Variants in ADAMTS10 observed in about 807,000 individuals in gnomAD.
ADAMTS10 encodes the protein ADAM metallopeptidase with thrombospondin type 1 motif 10.
ADAMTS10 carries 48 observed loss-of-function variants against 135.9 expected under a neutral mutation model. The ratio of observed to expected loss-of-function variants is 0.35; its 90% confidence interval spans 0.28 to 0.45. ADAMTS10 has a LOEUF of 0.45. ADAMTS10 is among the 20% of genes least tolerant of loss of function. The probability of loss-of-function intolerance (pLI) is 1.00; values close to 1 mark genes in which losing one functional copy is unlikely to be tolerated. For missense variants in ADAMTS10, 1,131 were observed against 1,565.2 expected (o/e 0.72, Z 4.68); for synonymous variants, 621 against 647.5 (o/e 0.96, Z 0.62).
At position 8,591,708 on chromosome 19, in the gene ADAMTS10, G is replaced by T. The variant is rs532544842; in HGVS notation, c.1797+92C>A. On this transcript the variant is annotated intron_variant, in intron 15 of 25. Transcript: ENST00000597188. ...GCCTGCCTTGGCCTCCCAAAGTGTT[G>T]GGATTACAGGCGTGAGCCACGGTGC... is the stretch of plus-strand genomic sequence containing the variant. 32 of 1,485,212 alleles carry T rather than the reference G, an allele frequency of 2.2e-5. No homozygotes were observed. The East Asian group carries it at 6.6e-4, about 31-fold the overall frequency. The allele number at this position is 1,485,212 out of a possible 1,614,324, so 92.0% of individuals were successfully genotyped here. A position where few individuals can be genotyped will look rare whatever the true frequency, so the allele number is the denominator to read the frequency against.
chr19:8,605,517 C>A lies in ADAMTS10; in HGVS notation c.88+106G>T. On this transcript the variant is annotated intron_variant, in intron 3 of 25. Transcript: ENST00000597188. The surrounding 1 kb of genome is among the most constrained non-coding windows in gnomAD (Gnocchi z 7.7). The stretch of plus-strand genomic sequence containing the variant: ...CCGCCTATTGACCCCAGGGCCTTCC[C>A]CCATTGACCCCCATCCCAGCCCCCT... 1 of 1,467,662 alleles carries A rather than the reference C, an allele frequency of 6.8e-7. No individual in the cohort carries two copies. Among genetic ancestry groups the A allele is most frequent in the Non-Finnish European group, 9.3e-7 (1 of 1,078,568 alleles). 90.9% of individuals were successfully genotyped at this position (1,467,662 alleles called of 1,614,324 possible).
intron 1 of ADAMTS10, among the ~76,000 whole-genome samples, chr19:8,608,563 C>A (rs1282957507): frequency 1.3e-5 from 2 of 152,110 alleles, no homozygotes; most frequent in Non-Finnish European, 2.9e-5. Context: ...AAGGTAGGAA[C>A]ATTCTCATTG....
intron 6 of ADAMTS10, among the ~76,000 whole-genome samples, chr19:8,597,890 G>A (rs1020424829): frequency 1.3e-5 from 2 of 151,074 alleles, no homozygotes; most frequent in Non-Finnish European, 2.9e-5. Context: ...TGCAACCTCC[G>A]CCTCCTGGGT....
In ADAMTS10 at chr19:8,600,615, C is replaced by A. The variant is rs187453482; in HGVS notation, c.810+313G>T. 3.2e-4 allele frequency among the ~76,000 whole-genome samples: 48 copies of A among 151,650 alleles called. 1 individual carries two copies. The East Asian group carries it at 9.4e-3, about 30-fold the overall frequency. ...CCAGGTTCACGCCATTCTCCTGCCT[C>A]GGCCTCCCGAGTAGCTGGGACTACA... On this transcript the variant is annotated intron_variant, in intron 6 of 25. Transcript: ENST00000597188.
Position 8,586,545 on chromosome 19 carries a change from G to A in ADAMTS10, c.2403+13C>T, listed in dbSNP as rs997363428. The A allele has an allele frequency of 6.2e-7, 1 of 1,613,332 alleles. No individual in the cohort carries two copies. Among genetic ancestry groups the A allele is most frequent in the Non-Finnish European group, 8.5e-7 (1 of 1,180,002 alleles). On this transcript the variant is annotated intron_variant, in intron 20 of 25. Transcript: ENST00000597188. Reference sequence around the variant, plus strand: ...TTCCAAAGGCTGCACCTTGCCCCCAGTCTCCCTGTTACCATGACGATGAGA... The same window carrying A: ...TTCCAAAGGCTGCACCTTGCCCCCAATCTCCCTGTTACCATGACGATGAGA...
chr19:8,597,207 A>G, intron 7 of ADAMTS10, 27 bp downstream of exon 7: 2 of 1,614,096 alleles, frequency 1.2e-6, no homozygotes, highest in Non-Finnish European at 1.7e-6. Flanking sequence ...ATGAAGGGGA[A>G]GGGGAAGGGG....
rs1568408165 is a variant in ADAMTS10 at position 8,605,901 on chromosome 19, A to T, written c.-99-92T>A. On this transcript the variant is annotated intron_variant, in intron 2 of 25. Coordinates refer to ENST00000597188, the MANE Select transcript of ADAMTS10 (RefSeq NM_030957.4). The surrounding 1 kb of genome is among the most constrained non-coding windows in gnomAD (Gnocchi z 7.7). ...AATCATGGCCAAAGCTTTTCACCTG[A>T]CTCTGAAGATTCTGAATGCATTTTC... The T allele has an allele frequency of 1.6e-6, 2 of 1,228,212 alleles. No homozygotes were observed. The highest frequency in any genetic ancestry group is 2.2e-6 in the Non-Finnish European group (2 of 912,860). 76.1% of individuals were successfully genotyped at this position (1,228,212 alleles called of 1,614,324 possible).
At chr19:8,604,896 A>C in intron 4 of ADAMTS10, 116 bp downstream of exon 4, 1 of 1,219,424 alleles carries the variant, frequency 8.2e-7, no homozygotes, top group Non-Finnish European at 1.2e-6. Context: ...TGATTGGCTC[A>C]AAACACTTAA....
intron 25 of ADAMTS10, 128 bp from the exon 26 acceptor site, chr19:8,581,130 C>CTTTTTTTTTT (rs369050914): frequency 1.4e-4 from 21 of 147,318 alleles, no homozygotes; most frequent in African/African-American, 1.6e-4. Flanking sequence ...TTTAAATTTA[C>CTTTTTTTTTT]TTTTTTTTTT....
intron 18 of ADAMTS10, 27 bp downstream of exon 18, chr19:8,589,215 T>C: frequency 6.2e-7 from 1 of 1,611,276 alleles, no homozygotes; most frequent in South Asian, 1.1e-5. Flanking sequence ...ATGCAGGGAG[T>C]GTGGGAGGGA....
rs1555742297 is a variant in ADAMTS10, at chr19:8,605,221, G to T, written c.226C>A (p.Leu76Ile). The T allele has an allele frequency of 6.2e-7, 1 of 1,613,822 alleles. No individual in the cohort carries two copies. The highest frequency in any genetic ancestry group is 1.3e-5 in the African/African-American group (1 of 75,074). ...RGTGATAESRLFYKVASPSTH... is the reference protein window; with the variant it reads ...RGTGATAESRIFYKVASPSTH... Reference sequence around the variant, plus strand: ...CTGGGCGAGGCCACTTTGTAGAAGAGGCGGGACTCGGCTGTGGCCCCCGTG... The same window carrying T: ...CTGGGCGAGGCCACTTTGTAGAAGATGCGGGACTCGGCTGTGGCCCCCGTG... Residue 76 changes from leucine to isoleucine, a missense_variant, in exon 4 of 26, where the codon CTC becomes ATC. Coordinates refer to ENST00000597188, the MANE Select transcript of ADAMTS10 (RefSeq NM_030957.4). The surrounding 1 kb of genome is among the most constrained non-coding windows in gnomAD (Gnocchi z 7.7).
At position 8,580,816 on chromosome 19, in the gene ADAMTS10, G is replaced by C. The variant is rs1204380002; in HGVS notation, c.*77C>G. The C allele has an allele frequency of 4.1e-6, 5 of 1,233,186 alleles. No individual in the cohort carries two copies. In the African/African-American group the frequency reaches 6.0e-5, roughly 15 times the overall value. 76.4% of individuals were successfully genotyped at this position (1,233,186 alleles called of 1,614,324 possible). On this transcript the variant is annotated 3_prime_UTR_variant, in exon 26 of 26. Coordinates refer to ENST00000597188, the MANE Select transcript of ADAMTS10 (RefSeq NM_030957.4). ...TTCCCTCCCAGTTCCCGCCCCCCCG[G>C]GGCCCCCTCTGGCCGGCCCGCTGCA...
At position 8,600,701 on chromosome 19, in the gene ADAMTS10, T is replaced by C. The variant is rs886231925; in HGVS notation, c.810+227A>G. 9.9e-5 allele frequency among the ~76,000 whole-genome samples: 15 copies of C among 152,152 alleles called. 1 individual carries two copies. The highest frequency in any genetic ancestry group is 6.2e-4 in the South Asian group (3 of 4,804). ...TTTTAGTAGAGATGGGGTTTCACCG[T>C]GTTAGCCAGGATGGTCTCCATCTCC... On this transcript the variant is annotated intron_variant, in intron 6 of 25. Coordinates refer to ENST00000597188, the MANE Select transcript of ADAMTS10 (RefSeq NM_030957.4).
intron 6 of ADAMTS10, among the ~76,000 whole-genome samples, chr19:8,598,505 C>A (rs1555740728): frequency 6.6e-6 from 1 of 151,388 alleles, no homozygotes; most frequent in South Asian, 2.1e-4. Flanking sequence ...AGACAGAGGC[C>A]AGGCTGTGCA....
At chr19:8,593,952 T>C (rs1284329622) in intron 12 of ADAMTS10, among the ~76,000 whole-genome samples, 2 of 152,198 alleles carry the variant, frequency 1.3e-5, no homozygotes, top group Non-Finnish European at 2.9e-5. Flanking sequence ...CCTGTACATA[T>C]GTAAGAAGCT....
In ADAMTS10 at chr19:8,586,652, G is replaced by C. The variant is rs1555737321; in HGVS notation, c.2309C>G (p.Pro770Arg). 3.7e-6 allele frequency: 6 copies of C among 1,614,048 alleles called. No homozygotes were observed. Among genetic ancestry groups the C allele is most frequent in the Non-Finnish European group, 4.2e-6 (5 of 1,180,008 alleles). ...LPGTPQPHRL[P>R]LAGTTFQLRQ... ...CAGTTGAAAGGTGGTCCCAGCTAGA[G>C]GCAGACGGTGGGGCTGGGGGGTCCC... The change falls in exon 20 of 26, where the codon CCT becomes CGT. Residue 770 changes from proline (P) to arginine (R), a missense_variant. Coordinates refer to ENST00000597188, the MANE Select transcript of ADAMTS10 (RefSeq NM_030957.4).
chr19:8,605,276 C>G lies in ADAMTS10; in HGVS notation c.171G>C (p.Ser57=). 1 of 1,612,446 alleles carries G rather than the reference C, an allele frequency of 6.2e-7. No individual in the cohort carries two copies. Among genetic ancestry groups the G allele is most frequent in the East Asian group, 2.2e-5 (1 of 44,826 alleles). ...VDHNGALLAF[S]PPPPRRQRRG... ...GGCGCTGCCTCCGGGGAGGAGGTGG[C>G]GAGAAGGCCAGCAGTGCCCCGTTGT... Residue 57 remains serine, a synonymous_variant, in exon 4 of 26, where the codon TCG becomes TCC. Coordinates refer to ENST00000597188, the MANE Select transcript of ADAMTS10 (RefSeq NM_030957.4). This position sits in a 1 kb window ranked among gnomAD's most constrained non-coding sequence, Gnocchi z 7.7.
chr19:8,595,109 T>G (rs1197304609), intron 12 of ADAMTS10, among the ~76,000 whole-genome samples: 1 of 151,986 alleles, frequency 6.6e-6, no homozygotes, highest in Non-Finnish European at 1.5e-5. Flanking sequence ...TAGGGGTGCA[T>G]TTAGGGAATC....
intron 13 of ADAMTS10, 80 bp downstream of exon 13, chr19:8,592,683 A>G (rs1251006698): frequency 7.1e-6 from 10 of 1,406,266 alleles, no homozygotes; most frequent in African/African-American, 2.8e-5. Flanking sequence ...AATAGGCCGA[A>G]GGACAGGCGG....
Sources: allele counts gnomAD v4.1 joint callset (sites outside exome capture counted in the v4.1 genomes callset), GRCh38; gene constraint gnomAD v4.1.1; non-coding constraint Gnocchi (gnomAD v3.1); transcripts MANE v1.5; gene names NCBI Gene and HGNC (gene_info 2026-07-23, HGNC 2026-07-21).